Variants in HACD2 observed in about 807,000 individuals in gnomAD.
HACD2 encodes 3-hydroxyacyl-CoA dehydratase 2.
In HACD2, 15 loss-of-function variants were observed where a neutral mutation model predicts 31.0. The observed-to-expected ratio is 0.48, with a 90% confidence interval of 0.32 to 0.75. The LOEUF is 0.75. Among genes scored for constraint, HACD2 ranks in the 30% least tolerant of loss-of-function variants. The pLI, the probability that HACD2 is intolerant of heterozygous loss-of-function variation, is 0.03. For missense variants in HACD2, 283 were observed against 313.0 expected (o/e 0.90, Z 0.72); for synonymous variants, 115 against 122.2 (o/e 0.94, Z 0.39).
chr3:123,514,053 T>C (rs916831705), intron 4 of HACD2, among the ~76,000 whole-genome samples: 22 of 152,170 alleles, frequency 1.4e-4, no homozygotes, highest in African/African-American at 4.1e-4. Flanking sequence ...GGCGGGCGGA[T>C]TGCTTGAGCC....
chr3:123,502,061 ACAAT>A (rs1260055404), intron 5 of HACD2, among the ~76,000 whole-genome samples: 2 of 152,342 alleles, frequency 1.3e-5, no homozygotes, highest in South Asian at 4.1e-4. Flanking sequence ...ACTTGTAAAA[ACAAT>A]CAAAGCAAAA....
chr3:123,541,436 CT>C (rs369639365), intron 3 of HACD2, among the ~76,000 whole-genome samples: 23 of 152,262 alleles, frequency 1.5e-4, no homozygotes, highest in African/African-American at 4.8e-4. Context: ...GGCAATGTTC[CT>C]TCTTCAGAGT....
At chr3:123,581,111 T>C (rs1366752752) in intron 2 of HACD2, among the ~76,000 whole-genome samples, 2 of 152,154 alleles carry the variant, frequency 1.3e-5, no homozygotes, top group Non-Finnish European at 1.5e-5. Flanking sequence ...TGAGCCACCG[T>C]GCCCAGCGAG....
At chr3:123,532,598 A>G (rs1357184164) in intron 3 of HACD2, among the ~76,000 whole-genome samples, 1 of 152,160 alleles carries the variant, frequency 6.6e-6, no homozygotes, top group Non-Finnish European at 1.5e-5. Flanking sequence ...TGGGAGGCTG[A>G]GGTGGGCAGA....
chr3:123,534,501 T>C (rs1224440287), intron 3 of HACD2, among the ~76,000 whole-genome samples: 3 of 151,934 alleles, frequency 2.0e-5, no homozygotes, highest in Non-Finnish European at 4.4e-5. Context: ...TCATATAAAA[T>C]ATAGCACAGT....
At chr3:123,502,827 T>C (rs2055921480) in intron 4 of HACD2, 146 bp from the exon 5 acceptor site, 1 of 761,872 alleles carries the variant, frequency 1.3e-6, no homozygotes, top group Non-Finnish European at 2.1e-6. Flanking sequence ...AGAGCTTGCG[T>C]GTAGAGCTGG....
intron 1 of HACD2, 53 bp from the exon 2 acceptor site, chr3:123,582,382 A>C: frequency 1.6e-6 from 2 of 1,279,588 alleles, no homozygotes; most frequent in Non-Finnish European, 2.2e-6. Flanking sequence ...AAAAAGTAGC[A>C]TTTAGGTTAA....
chr3:123,553,296 G>C (rs2056639243), intron 3 of HACD2, among the ~76,000 whole-genome samples: 1 of 152,222 alleles, frequency 6.6e-6, no homozygotes, highest in African/African-American at 2.4e-5. Flanking sequence ...GACTCCCCAA[G>C]GGAAACATAA....
chr3:123,507,542 T>C (rs1576732706), intron 4 of HACD2, among the ~76,000 whole-genome samples: 2 of 152,268 alleles, frequency 1.3e-5, no homozygotes, highest in Middle Eastern at 3.4e-3. Context: ...TCCATTTATA[T>C]GAAATATCCA....
chr3:123,569,988 CAAAAAAAAAAAAAAAAAAAAAAA>C (rs55844728), intron 2 of HACD2, among the ~76,000 whole-genome samples: 14 of 38,714 alleles, frequency 3.6e-4, no homozygotes, highest in South Asian at 3.5e-3. Flanking sequence ...CACTCCATCT[CAAAAAAAAAAAAAAAAAAAAAAA>C]AAAAAAAAAA....
At chr3:123,528,358 C>T (rs2056310652) in intron 4 of HACD2, 28 bp downstream of exon 4, 3 of 1,325,336 alleles carry the variant, frequency 2.3e-6, no homozygotes, top group African/African-American at 1.4e-5. Context: ...TTAGTGTTGA[C>T]ATTATTTTGG....
At chr3:123,532,693 G>A (rs933234470) in intron 3 of HACD2, among the ~76,000 whole-genome samples, 7 of 151,880 alleles carry the variant, frequency 4.6e-5, no homozygotes, top group African/African-American at 1.2e-4. Flanking sequence ...AAAATTAGCC[G>A]GGCGTGGTGG....
At chr3:123,512,847 G>GTGTATA (rs1385993868) in intron 4 of HACD2, among the ~76,000 whole-genome samples, 1 of 152,178 alleles carries the variant, frequency 6.6e-6, no homozygotes, top group South Asian at 2.1e-4. Flanking sequence ...GTGTGTATGT[G>GTGTATA]TGTATATGTA....
chr3:123,501,114 C>T (rs2055897043), intron 5 of HACD2, among the ~76,000 whole-genome samples: 1 of 152,090 alleles, frequency 6.6e-6, no homozygotes, highest in African/African-American at 2.4e-5. Flanking sequence ...AGGAATTCCA[C>T]ACCACACACA....
intron 4 of HACD2, among the ~76,000 whole-genome samples, chr3:123,513,741 C>G (rs934195590): frequency 4.6e-5 from 7 of 152,092 alleles, no homozygotes; most frequent in Non-Finnish European, 1.0e-4. Context: ...GCAGAAGATA[C>G]CGATTACTTT....
intron 4 of HACD2, among the ~76,000 whole-genome samples, chr3:123,509,927 A>G (rs1159590389): frequency 1.3e-5 from 2 of 152,166 alleles, no homozygotes; most frequent in Admixed American, 1.3e-4. Flanking sequence ...CCTTGTAAGA[A>G]CATGTATAGG....
chr3:123,507,119 G>A (rs972711411), intron 4 of HACD2, among the ~76,000 whole-genome samples: 1 of 152,128 alleles, frequency 6.6e-6, no homozygotes, highest in Non-Finnish European at 1.5e-5. Context: ...TAGCCAGGGT[G>A]GTGGTGCACA....
At chr3:123,502,082 T>G (rs1278436982) in intron 5 of HACD2, among the ~76,000 whole-genome samples, 1 of 152,122 alleles carries the variant, frequency 6.6e-6, no homozygotes, top group East Asian at 1.9e-4. Context: ...AAAACAAAAG[T>G]GATAAGCTAA....
intron 3 of HACD2, among the ~76,000 whole-genome samples, chr3:123,563,740 C>T (rs562529703): frequency 2.9e-4 from 44 of 151,776 alleles, no homozygotes; most frequent in African/African-American, 1.0e-3. Context: ...CTAAATCAAG[C>T]TAATTAACAT....
Sources: allele counts gnomAD v4.1 joint callset (sites outside exome capture counted in the v4.1 genomes callset), GRCh38; gene constraint gnomAD v4.1.1; transcripts MANE v1.5; gene names NCBI Gene and HGNC (gene_info 2026-07-23, HGNC 2026-07-21).